The following KLF12 variants were observed in gnomAD, a reference collection of about 807,000 sequenced individuals.
The protein encoded by KLF12 is KLF transcription factor 12, also known as Krueppel-like factor 12.
A neutral mutation model predicts 37.8 loss-of-function variants in KLF12; 9 were observed. That is an observed-to-expected ratio of 0.24 (90% CI 0.14 to 0.42). The LOEUF is 0.42. Ranked by LOEUF, KLF12 falls within the 10% of genes least tolerant of loss-of-function variation. KLF12 has a pLI of 1.00. For missense variants in KLF12, 411 were observed against 516.0 expected, an observed-to-expected ratio of 0.80 and a Z score of 1.97; for synonymous variants, 208 against 202.1, an observed-to-expected ratio of 1.03 and a Z score of -0.25.
chr13:73,767,400 A>G (rs946045552), intron 5 of KLF12, among the ~76,000 whole-genome samples: 15 of 152,214 alleles, frequency 9.9e-5, no homozygotes, highest in Non-Finnish European at 1.9e-4. Context: ...TTAGCCTCAC[A>G]CAGGCTCGAT....
At chr13:73,933,603 A>ATGC (rs1889786507) in intron 3 of KLF12, among the ~76,000 whole-genome samples, 1 of 152,190 alleles carries the variant, frequency 6.6e-6, no homozygotes, top group South Asian at 2.1e-4. Context: ...TACAAGAAGG[A>ATGC]TGCTGTCAAA....
At chr13:73,878,261 TC>T in intron 3 of KLF12, among the ~76,000 whole-genome samples, 1 of 152,000 alleles carries the variant, frequency 6.6e-6, no homozygotes, top group Non-Finnish European at 1.5e-5. Flanking sequence ...AAAACTATAT[TC>T]TCTATGGATA....
intron 3 of KLF12, among the ~76,000 whole-genome samples, chr13:73,916,115 A>G (rs533715272): frequency 6.6e-5 from 10 of 151,880 alleles, no homozygotes; most frequent in African/African-American, 2.4e-4. Context: ...TTTTTAGAGG[A>G]TTGGAATAAT....
intron 1 of KLF12, among the ~76,000 whole-genome samples, chr13:74,011,469 T>C (rs1489315542): frequency 1.3e-5 from 2 of 152,210 alleles, no homozygotes; most frequent in Non-Finnish European, 2.9e-5. Flanking sequence ...AATCATTTTC[T>C]ATTGATACAC....
chr13:73,774,445 C>T lies in KLF12; in HGVS notation c.807-9445G>A, dbSNP rs1425760615. 2.6e-5 allele frequency among the ~76,000 whole-genome samples: 4 copies of T among 152,070 alleles called. No homozygotes were observed. The East Asian group carries it at 7.7e-4, about 29-fold the overall frequency. On this transcript the variant is annotated intron_variant, in intron 5 of 7. Transcript: ENST00000377669. ...TTCTTTGGACCTGCATCGGCCCACA[C>T]CTGGAACCATCCCAAGCCAGAATGT...
chr13:73,893,359 A>G (rs1223198798), intron 3 of KLF12, among the ~76,000 whole-genome samples: 1 of 147,836 alleles, frequency 6.8e-6, no homozygotes, highest in Non-Finnish European at 1.5e-5. Context: ...CACTCAATCA[A>G]CAATATTGAC....
At chr13:73,824,699 C>T (rs987748165) in intron 4 of KLF12, among the ~76,000 whole-genome samples, 13 of 152,164 alleles carry the variant, frequency 8.5e-5, no homozygotes, top group African/African-American at 2.9e-4. Context: ...GTCTTTTCCA[C>T]ATTAATTCTG....
intron 6 of KLF12, 102 bp downstream of exon 6, chr13:73,764,836 A>G: frequency 1.4e-6 from 1 of 693,674 alleles, no homozygotes; most frequent in Non-Finnish European, 2.5e-6. Context: ...GCAGGTATGT[A>G]CTCTGTATAG....
At chr13:74,074,438 A>G (rs1874450505) in intron 1 of KLF12, among the ~76,000 whole-genome samples, 1 of 151,990 alleles carries the variant, frequency 6.6e-6, no homozygotes, top group Non-Finnish European at 1.5e-5. Context: ...CCACCAAAAT[A>G]TCCACTTTCC....
At chr13:73,704,162 T>TCTG (rs142080123) in intron 7 of KLF12, among the ~76,000 whole-genome samples, 245 of 152,314 alleles carry the variant, frequency 1.6e-3, no homozygotes, top group African/African-American at 5.3e-3. Flanking sequence ...ACTTCTCGCG[T>TCTG]GGCAGGTGTT....
chr13:74,008,683 T>C (rs550634665), intron 1 of KLF12, among the ~76,000 whole-genome samples: 26 of 152,362 alleles, frequency 1.7e-4, no homozygotes, highest in African/African-American at 6.3e-4. Flanking sequence ...GGGTTGAAGA[T>C]CTTTGAGTCT....
chr13:74,047,877 A>G (rs1327342447), intron 1 of KLF12, among the ~76,000 whole-genome samples: 1 of 152,232 alleles, frequency 6.6e-6, no homozygotes, highest in Admixed American at 6.5e-5. Flanking sequence ...TGCAAGTGTC[A>G]GCAAACTTAA....
chr13:74,091,572 T>C (rs1041493765), intron 1 of KLF12, among the ~76,000 whole-genome samples: 5 of 152,198 alleles, frequency 3.3e-5, no homozygotes, highest in Non-Finnish European at 5.9e-5. Context: ...CTTCATCCAT[T>C]TACCTACTGA....
Position 74,080,553 on chromosome 13 carries a change from A to G in KLF12, c.-32+53186T>C, listed in dbSNP as rs546789537. Among the ~76,000 whole-genome samples, 3 of 152,244 alleles carry G rather than the reference A, an allele frequency of 2.0e-5. No individual in the cohort carries two copies. The South Asian group carries it at 6.2e-4, about 32-fold the overall frequency. ...AAAAAAAAAGCAACGTATATGTTAGATAAGTAAATAAAAGATTTCCTGCCT... is the reference window on the plus strand; with the variant it reads ...AAAAAAAAAGCAACGTATATGTTAGGTAAGTAAATAAAAGATTTCCTGCCT... On this transcript the variant is annotated intron_variant, in intron 1 of 7. Transcript: ENST00000377669.
the KLF12 span, among the ~76,000 whole-genome samples, chr13:74,139,836 A>T: frequency 6.6e-6 from 1 of 152,108 alleles, no homozygotes; most frequent in Non-Finnish European, 1.5e-5. Flanking sequence ...TAATAAATTG[A>T]GGCATATGAG....
the KLF12 span, among the ~76,000 whole-genome samples, chr13:74,281,575 A>G: frequency 4.6e-5 from 7 of 152,348 alleles, no homozygotes; most frequent in Admixed American, 4.6e-4. Flanking sequence ...AATACATTTT[A>G]AAAATCAGTT....
chr13:74,162,858 T>C, the KLF12 span, among the ~76,000 whole-genome samples: 5 of 152,052 alleles, frequency 3.3e-5, no homozygotes, highest in African/African-American at 1.2e-4. Context: ...TAAAAGTGTA[T>C]GCAAGAAAAG....
chr13:73,927,581 A>G (rs1198940197), intron 3 of KLF12, among the ~76,000 whole-genome samples: 1 of 151,650 alleles, frequency 6.6e-6, no homozygotes, highest in African/African-American at 2.4e-5. Flanking sequence ...TCTTTATTTT[A>G]TTTTTTATTT....
intron 6 of KLF12, among the ~76,000 whole-genome samples, chr13:73,727,775 G>A (rs1876770023): frequency 6.6e-6 from 1 of 151,112 alleles, no homozygotes; most frequent in African/African-American, 2.4e-5. Context: ...TTGGCTCACT[G>A]CAACCTCCGT....
Sources: allele counts gnomAD v4.1 joint callset (sites outside exome capture counted in the v4.1 genomes callset), GRCh38; gene constraint gnomAD v4.1.1; transcripts MANE v1.5; gene names NCBI Gene and HGNC (gene_info 2026-07-23, HGNC 2026-07-21).